The following UBXN11 variants were observed in gnomAD, a reference collection of about 807,000 sequenced individuals.
UBXN11 encodes UBX domain protein 11, also known as UBX domain-containing protein 11.
In UBXN11, 47 loss-of-function variants were observed where a neutral mutation model predicts 62.8. The ratio of observed to expected loss-of-function variants is 0.75; its 90% CI spans 0.59 to 0.95. The LOEUF is 0.95. UBXN11 is among the 40% of genes least tolerant of loss of function. The probability of loss-of-function intolerance (pLI) is 0.00; values close to 1 mark genes in which losing one functional copy is unlikely to be tolerated. For synonymous variants in UBXN11, 294 were observed against 267.0 expected (o/e 1.10, Z -0.99); for missense variants, 638 against 661.7 (o/e 0.96, Z 0.39).
chr1:26,301,222 G>C (rs929805692), intron 3 of UBXN11, among the ~76,000 whole-genome samples, 198 bp from the exon 4 acceptor site: 2 of 152,234 alleles, frequency 1.3e-5, no homozygotes, highest in Non-Finnish European at 2.9e-5. Context: ...CTCCCAGGGG[G>C]ACTGGCATGG....
exon 1 of UBXN11, chr1:26,318,182 C>G: frequency 1.1e-6 from 1 of 896,266 alleles, no homozygotes; most frequent in South Asian, 1.4e-5. Context: ...CCTGAGAGCA[C>G]AGCAGATGGA....
chr1:26,315,014 G>A (rs1449977644), intron 1 of UBXN11, among the ~76,000 whole-genome samples: 3 of 152,058 alleles, frequency 2.0e-5, no homozygotes, highest in Admixed American at 1.3e-4. Context: ...CCAGGAGTTC[G>A]AGGTTACAGT....
chr1:26,294,064 G>A (rs2073337083), intron 8 of UBXN11, 141 bp downstream of exon 8: 1 of 1,322,726 alleles, frequency 7.6e-7, no homozygotes, highest in African/African-American at 1.5e-5. Flanking sequence ...CATTGTCTCA[G>A]GGGCAAGTTG....
chr1:26,289,584 C>T (rs574380190), intron 8 of UBXN11, among the ~76,000 whole-genome samples: 1 of 152,322 alleles, frequency 6.6e-6, no homozygotes, highest in East Asian at 1.9e-4. Flanking sequence ...TGTCTGAGCA[C>T]CCGTGCTCTG....
At chr1:26,300,409 C>T (rs1039362042) in intron 4 of UBXN11, among the ~76,000 whole-genome samples, 1 of 152,192 alleles carries the variant, frequency 6.6e-6, no homozygotes, top group Non-Finnish European at 1.5e-5. Context: ...CCCCAGATCC[C>T]GCCCAGCACT....
At chr1:26,315,824 T>G (rs566468138) in intron 1 of UBXN11, among the ~76,000 whole-genome samples, 1 of 152,280 alleles carries the variant, frequency 6.6e-6, no homozygotes, top group African/African-American at 2.4e-5. Flanking sequence ...CACACCTGGC[T>G]AATTTCTGTA....
chr1:26,287,939 C>CT (rs2073169566), intron 8 of UBXN11, among the ~76,000 whole-genome samples: 10 of 148,340 alleles, frequency 6.7e-5, no homozygotes, highest in Admixed American at 4.0e-4. Flanking sequence ...GGGTCTCCCT[C>CT]TGTCACCCAA....
chr1:26,309,895 T>A (rs957636397), upstream of UBXN11, among the ~76,000 whole-genome samples: 10 of 152,230 alleles, frequency 6.6e-5, no homozygotes, highest in African/African-American at 1.9e-4. Context: ...TACACTATTT[T>A]AAAAATTCCT....
At chr1:26,305,922 T>TCA (rs937830704) in intron 1 of UBXN11, among the ~76,000 whole-genome samples, 1 of 152,194 alleles carries the variant, frequency 6.6e-6, no homozygotes, top group African/African-American at 2.4e-5. Flanking sequence ...CTGGGGGCTG[T>TCA]CACATGGCTC....
At chr1:26,299,445 G>T (rs144395390) in intron 4 of UBXN11, among the ~76,000 whole-genome samples, 1 of 149,808 alleles carries the variant, frequency 6.7e-6, no homozygotes, top group Non-Finnish European at 1.5e-5. Flanking sequence ...CTGACAGGTC[G>T]AGGCTGCAGT....
chr1:26,283,078 GC>G, intron 12 of UBXN11, 141 bp from the exon 13 acceptor site: 1 of 1,081,892 alleles, frequency 9.2e-7, no homozygotes, highest in Non-Finnish European at 1.4e-6. Context: ...ATAAACCAAG[GC>G]CAGAGGAGAG....
intron 6 of UBXN11, 113 bp from the exon 7 acceptor site, chr1:26,297,108 T>A: frequency 7.9e-7 from 1 of 1,269,418 alleles, no homozygotes. Flanking sequence ...AAGAACTGCC[T>A]CTTGGCCCCC....
chr1:26,308,935 A>T (rs796861248), upstream of UBXN11, among the ~76,000 whole-genome samples: 19 of 108,252 alleles, frequency 1.8e-4, no homozygotes, highest in East Asian at 2.9e-4. Context: ...CAGTCGTTTG[A>T]TTTTTTTTTT....
chr1:26,304,925 T>C (rs2073627295), intron 1 of UBXN11, among the ~76,000 whole-genome samples: 1 of 143,692 alleles, frequency 7.0e-6, no homozygotes, highest in Non-Finnish European at 1.5e-5. Context: ...CCCAGAACGG[T>C]CTCCCCACTC....
chr1:26,294,879 G>A (rs1021622157), intron 7 of UBXN11, among the ~76,000 whole-genome samples: 4 of 152,128 alleles, frequency 2.6e-5, no homozygotes, highest in Admixed American at 6.5e-5. Flanking sequence ...CAACCTACCC[G>A]CTGCCAAGCG....
chr1:26,306,448 G>C (rs905561271), intron 1 of UBXN11, 144 bp downstream of exon 1: 1 of 152,160 alleles, frequency 6.6e-6, no homozygotes, highest in African/African-American at 2.4e-5. Flanking sequence ...AGGCCGTGTC[G>C]CCTCCTTCCG....
At chr1:26,296,864 G>A (rs1230720271) in intron 7 of UBXN11, 55 bp downstream of exon 7, 37 of 1,540,900 alleles carry the variant, frequency 2.4e-5, no homozygotes, top group Middle Eastern at 1.9e-4. Flanking sequence ...GGAACATGCC[G>A]TGAAGAGCTG....
intron 8 of UBXN11, among the ~76,000 whole-genome samples, chr1:26,286,965 C>T (rs1383318399): frequency 6.6e-6 from 1 of 152,136 alleles, no homozygotes; most frequent in Non-Finnish European, 1.5e-5. Context: ...TCCCAAAGTG[C>T]TGGGATTACA....
intron 8 of UBXN11, among the ~76,000 whole-genome samples, chr1:26,288,256 G>A (rs910486849): frequency 6.6e-6 from 1 of 152,100 alleles, no homozygotes; most frequent in African/African-American, 2.4e-5. Context: ...CCAGGGCCGG[G>A]GGTTTTTCAG....
Sources: allele counts gnomAD v4.1 joint callset (sites outside exome capture counted in the v4.1 genomes callset), GRCh38; gene constraint gnomAD v4.1.1; transcripts MANE v1.5; gene names NCBI Gene and HGNC (gene_info 2026-07-23, HGNC 2026-07-21).